Variants in SERINC2 observed in about 807,000 individuals in gnomAD.
SERINC2 encodes the protein tumor differentially expressed protein 2.
In SERINC2, 56 loss-of-function variants were observed where a neutral mutation model predicts 54.2. The observed-to-expected ratio is 1.03, with a 90% CI of 0.83 to 1.29. SERINC2 has a LOEUF of 1.29. Among genes scored for constraint, SERINC2 ranks in the 50% most tolerant of loss-of-function variants. SERINC2 has a pLI of 0.00. For synonymous variants in SERINC2, 272 were observed against 253.1 expected (o/e 1.07, Z -0.71); for missense variants, 614 against 607.4 (o/e 1.01, Z -0.12).
chr1:31,426,939 G>A (rs115562473), intron 6 of SERINC2, 116 bp downstream of exon 6: 6 of 935,722 alleles, frequency 6.4e-6, no homozygotes, highest in East Asian at 2.5e-5. Flanking sequence ...GCCTGAGTGT[G>A]TGGGCTCCCA....
At chr1:31,421,571 G>A (rs565966280) in intron 1 of SERINC2, among the ~76,000 whole-genome samples, 1 of 152,310 alleles carries the variant, frequency 6.6e-6, no homozygotes, top group African/African-American at 2.4e-5. Context: ...CTAGTTTGGG[G>A]GAGAGTAAGA....
At chr1:31,426,197 T>C (rs1220771810) in intron 5 of SERINC2, among the ~76,000 whole-genome samples, 1 of 152,064 alleles carries the variant, frequency 6.6e-6, no homozygotes, top group Non-Finnish European at 1.5e-5. Context: ...TGGGACGCCC[T>C]TTTGGTGGTG....
chr1:31,425,283 C>T (rs782450452), intron 3 of SERINC2, 47 bp from the exon 4 acceptor site: 51 of 1,410,362 alleles, frequency 3.6e-5, no homozygotes, highest in Non-Finnish European at 5.1e-5. Context: ...TTCCAGTTTC[C>T]CTGCCTGCAC....
At chr1:31,420,136 A>G (rs1640871981) in intron 1 of SERINC2, among the ~76,000 whole-genome samples, 1 of 152,178 alleles carries the variant, frequency 6.6e-6, no homozygotes, top group Non-Finnish European at 1.5e-5. Flanking sequence ...AGAGATTTAA[A>G]TATATATAAA....
At position 31,413,997 on chromosome 1, in the gene SERINC2, C is replaced by T. The variant is rs1448575368; in HGVS notation, c.39+693C>T. 2.0e-6 allele frequency: 3 copies of T among 1,528,598 alleles called. No individual in the cohort carries two copies. Among genetic ancestry groups the T allele is most frequent in the East Asian group, 2.6e-5 (1 of 39,112 alleles). 94.7% of individuals were successfully genotyped at this position (1,528,598 alleles called of 1,614,324 possible). ...CAGCTCGCCCCGGATCATCTGGGCC[C>T]CAGCGCGGAGACTGGGATGGGAGCG... On this transcript the variant is annotated intron_variant, in intron 1 of 9. Coordinates refer to ENST00000373709, the MANE Select transcript of SERINC2 (RefSeq NM_178865.5). This position sits in a 1 kb window ranked among gnomAD's most constrained non-coding sequence, Gnocchi z 5.0.
rs145105630 is a variant in SERINC2, at chr1:31,434,366, A to G, written c.*167A>G. The stretch of plus-strand genomic sequence containing the variant: ...CGGGCCTTCTAGTCGTAGTGCCTTC[A>G]GGGTCCGAGGAGCATCAGGCTCCTG... On this transcript the variant is annotated 3_prime_UTR_variant, in exon 10 of 10. Transcript: ENST00000373709. 2.0e-5 allele frequency: 13 copies of G among 658,588 alleles called. No individual in the cohort carries two copies. In the East Asian group the frequency reaches 3.0e-4, roughly 15 times the overall value. The allele number at this position is 658,588 out of a possible 1,614,324, so 40.8% of individuals were successfully genotyped here.
upstream of SERINC2, chr1:31,410,519 A>G (rs1335477668): frequency 6.6e-7 from 1 of 1,523,510 alleles, no homozygotes; most frequent in Non-Finnish European, 8.8e-7. Context: ...CAGTGGCAGC[A>G]TATTACCTTG....
At chr1:31,414,402 T>G in intron 1 of SERINC2, 3 of 1,142,428 alleles carry the variant, frequency 2.6e-6, no homozygotes, top group Non-Finnish European at 3.2e-6. Context: ...GGGACTCGCT[T>G]TCCTTTGTCC....
chr1:31,430,976 C>T (rs1055784068), intron 8 of SERINC2, among the ~76,000 whole-genome samples: 1 of 152,180 alleles, frequency 6.6e-6, no homozygotes, highest in Non-Finnish European at 1.5e-5. Flanking sequence ...TCTGTTTTGG[C>T]CTTTTTCAAA....
chr1:31,433,307 T>C (rs932817474), intron 9 of SERINC2, 122 bp downstream of exon 9: 18 of 783,950 alleles, frequency 2.3e-5, no homozygotes, highest in Non-Finnish European at 3.8e-5. Flanking sequence ...TGGCGGTGTG[T>C]ATCAAGGACC....
intron 6 of SERINC2, 78 bp downstream of exon 6, chr1:31,426,901 G>C: frequency 7.4e-7 from 1 of 1,359,976 alleles, no homozygotes; most frequent in Non-Finnish European, 1.0e-6. Flanking sequence ...CTGGGTCCTG[G>C]GGCTAGGGCT....
chr1:31,427,051 T>A (rs943754375), intron 6 of SERINC2, among the ~76,000 whole-genome samples: 1 of 152,232 alleles, frequency 6.6e-6, no homozygotes, highest in Admixed American at 6.5e-5. Flanking sequence ...TAAATGGAGA[T>A]AATAAGACCT....
Position 31,433,002 on chromosome 1 carries a change from T to C in SERINC2, c.1049T>C (p.Leu350Pro). The change falls in exon 9 of 10, where the codon CTG becomes CCG. Residue 350 changes from leucine to proline, a missense_variant. Physicochemically the swap from Leu to Pro is moderately conservative, Grantham distance 98. Coordinates refer to ENST00000373709, the MANE Select transcript of SERINC2 (RefSeq NM_178865.5). The stretch of plus-strand genomic sequence containing the variant: ...TCAGACCACCGGCAGGTGAACAGCC[T>C]GATGCAGACCGAGGAGTGCCCACCT... ...RSSDHRQVNS[L>P]MQTEECPPML... 6.2e-7 allele frequency: 1 copy of C among 1,612,208 alleles called. No individual in the cohort carries two copies. The highest frequency in any genetic ancestry group is 8.5e-7 in the Non-Finnish European group (1 of 1,179,784).
At chr1:31,430,533 G>A (rs532592199) in intron 8 of SERINC2, among the ~76,000 whole-genome samples, 1 of 152,258 alleles carries the variant, frequency 6.6e-6, no homozygotes, top group East Asian at 1.9e-4. Context: ...AGTCAGGCAT[G>A]GTGGTATGCA....
rs782373221 is a variant in SERINC2 at position 31,424,673 on chromosome 1, G to A, written c.202-10G>A. ...GTGGGGCTTTGACGCTGCTCTGTCT[G>A]TCTCCACAGCTGCCCTGGGTGTGTG... On this transcript the variant is annotated splice_polypyrimidine_tract_variant and intron_variant, in intron 2 of 9. Transcript: ENST00000373709. The A allele has an allele frequency of 6.3e-7, 1 of 1,584,434 alleles. No homozygotes were observed. The highest frequency in any genetic ancestry group is 8.6e-7 in the Non-Finnish European group (1 of 1,164,992).
chr1:31,416,876 T>C (rs1262370301), intron 1 of SERINC2, among the ~76,000 whole-genome samples: 1 of 152,000 alleles, frequency 6.6e-6, no homozygotes, highest in Non-Finnish European at 1.5e-5. Context: ...TGCGCCACCA[T>C]GCCTGGCTAA....
At chr1:31,432,030 C>CAGGGTGGTT (rs1641263999) in intron 8 of SERINC2, among the ~76,000 whole-genome samples, 5 of 15,458 alleles carry the variant, frequency 3.2e-4, no homozygotes, top group African/African-American at 9.9e-4. Context: ...ACAGGGTGGA[C>CAGGGTGGTT]AGGGTGGACA....
rs1553133321 is a variant in SERINC2 at position 31,424,873 on chromosome 1, G to A, written c.392G>A (p.Gly131Glu). Residue 131 changes from glycine to glutamate, a missense_variant and splice_region_variant, in exon 3 of 10, where the codon GGG becomes GAG. By Grantham distance (98) the Gly-to-Glu change is moderately conservative. Coordinates refer to ENST00000373709, the MANE Select transcript of SERINC2 (RefSeq NM_178865.5). ...SRDPRAAIQN[G>E]FWFFKFLILV... ...GACCCCCGGGCTGCCATCCAGAATGGGTGAGAGAGGGGTCCCTGCCTGCAC... is the reference window on the plus strand; with the variant it reads ...GACCCCCGGGCTGCCATCCAGAATGAGTGAGAGAGGGGTCCCTGCCTGCAC... 3 of 1,609,006 alleles carry A rather than the reference G, an allele frequency of 1.9e-6. No individual in the cohort carries two copies. Among genetic ancestry groups the A allele is most frequent in the Non-Finnish European group, 2.5e-6 (3 of 1,178,418 alleles).
In SERINC2 at chr1:31,434,309, C is replaced by G; in HGVS notation, c.*110C>G. The G allele has an allele frequency of 8.4e-7, 1 of 1,186,430 alleles. No individual in the cohort carries two copies. Among genetic ancestry groups the G allele is most frequent in the Admixed American group, 2.0e-5 (1 of 49,202 alleles). 73.5% of individuals were successfully genotyped at this position (1,186,430 alleles called of 1,614,324 possible). On this transcript the variant is annotated 3_prime_UTR_variant, in exon 10 of 10. Transcript: ENST00000373709. ...CCAATCAGCCAGGCTGAGCCCCCAC[C>G]CCTGCCCCAGCTCCAGGACCTGCCC...
Sources: gnomAD v4.1 joint callset for allele counts (sites outside exome capture counted in the v4.1 genomes callset) on GRCh38, gnomAD v4.1.1 for gene constraint, Gnocchi (gnomAD v3.1) non-coding constraint, MANE v1.5 for transcripts, NCBI Gene and HGNC (gene_info 2026-07-23, HGNC 2026-07-21) for gene names.